PTBP2: variants seen among roughly 807,000 people sequenced by gnomAD.
PTBP2 encodes the protein polypyrimidine tract-binding protein 2.
In PTBP2, 13 loss-of-function variants were observed where a neutral mutation model predicts 61.4. The ratio of observed to expected loss-of-function variants is 0.21; its 90% CI spans 0.14 to 0.34. PTBP2 has a LOEUF of 0.34. Ranked by LOEUF, PTBP2 falls within the 10% of genes least tolerant of loss-of-function variation. The probability of loss-of-function intolerance (pLI) is 1.00; values close to 1 mark genes in which losing one functional copy is unlikely to be tolerated. For synonymous variants in PTBP2, 215 were observed against 218.5 expected (o/e 0.98, Z 0.14); for missense variants, 405 against 642.6 (o/e 0.63, Z 4.00).
At chr1:96,815,511 T>C (rs1662446736), downstream of PTBP2, 1 of 152,200 alleles carries the variant, frequency 6.6e-6, no homozygotes, top group African/African-American at 2.4e-5. Context: ...ATTAGGGTGC[T>C]ATTTATATTC....
intron 5 of PTBP2, among the ~76,000 whole-genome samples, chr1:96,773,635 A>G (rs971042327): frequency 3.3e-4 from 50 of 152,016 alleles, no homozygotes; most frequent in African/African-American, 1.1e-3. Flanking sequence ...CATTCCCCCC[A>G]AATACCAAAG....
intron 2 of PTBP2, among the ~76,000 whole-genome samples, chr1:96,725,300 A>AG (rs1570678857): frequency 7.2e-6 from 1 of 138,754 alleles, no homozygotes; most frequent in South Asian, 2.5e-4. Context: ...TGGTTACACC[A>AG]GTTTTTTTTT....
Position 96,761,054 on chromosome 1 carries a change from G to A in PTBP2, c.116-8649G>A, listed in dbSNP as rs142456290. On this transcript the variant is annotated intron_variant, in intron 3 of 13. Transcript: ENST00000674951. ...AAAGAAACCAGACAGACCTGAAAGAGTACATAGTGTGATTCCATTTCTTGA... is the reference window on the plus strand; with the variant it reads ...AAAGAAACCAGACAGACCTGAAAGAATACATAGTGTGATTCCATTTCTTGA... Among the ~76,000 whole-genome samples, 898 of 152,288 alleles carry A rather than the reference G, an allele frequency of 5.9e-3. 13 individuals carry two copies. Among genetic ancestry groups the A allele is most frequent in the African/African-American group, 0.021 (855 of 41,552 alleles).
intron 3 of PTBP2, among the ~76,000 whole-genome samples, chr1:96,768,272 A>C (rs1203154231): frequency 6.6e-6 from 1 of 152,036 alleles, no homozygotes; most frequent in Non-Finnish European, 1.5e-5. Flanking sequence ...AGAACGTAAA[A>C]CATTGCTAGA....
chr1:96,722,389 G>A (rs1649720668), intron 1 of PTBP2, among the ~76,000 whole-genome samples: 1 of 152,078 alleles, frequency 6.6e-6, no homozygotes, highest in African/African-American at 2.4e-5. Context: ...GTGGTCGGGA[G>A]AGATGCCGGT....
intron 11 of PTBP2, among the ~76,000 whole-genome samples, chr1:96,809,887 G>T (rs1217767282): frequency 2.0e-5 from 3 of 152,006 alleles, no homozygotes; most frequent in African/African-American, 7.2e-5. Context: ...AGATATTAAA[G>T]ACAAGACTGG....
At chr1:96,779,358 T>C (rs1658396686) in intron 7 of PTBP2, among the ~76,000 whole-genome samples, 1 of 152,090 alleles carries the variant, frequency 6.6e-6, no homozygotes, top group Non-Finnish European at 1.5e-5. Context: ...ATATTTTCCT[T>C]GCTCTTCTGA....
At chr1:96,742,666 T>A (rs1434198720) in intron 2 of PTBP2, among the ~76,000 whole-genome samples, 1 of 151,130 alleles carries the variant, frequency 6.6e-6, no homozygotes. Context: ...CTTTGGCTTT[T>A]TTTTTTTTTT....
At chr1:96,763,171 G>C (rs564902880) in intron 3 of PTBP2, among the ~76,000 whole-genome samples, 1 of 152,168 alleles carries the variant, frequency 6.6e-6, no homozygotes, top group Non-Finnish European at 1.5e-5. Context: ...CTTCCCAAAC[G>C]GGGTGGCGGC....
At chr1:96,774,666 T>C (rs1323262057) in intron 5 of PTBP2, among the ~76,000 whole-genome samples, 1 of 152,238 alleles carries the variant, frequency 6.6e-6, no homozygotes, top group Non-Finnish European at 1.5e-5. Flanking sequence ...CTGTTGGCTA[T>C]ATTACTACGA....
chr1:96,815,757 A>G (rs1662457485), downstream of PTBP2: 1 of 152,184 alleles, frequency 6.6e-6, no homozygotes, highest in Non-Finnish European at 1.5e-5. Context: ...TGTTTACACT[A>G]GTGTCACTGT....
intron 3 of PTBP2, among the ~76,000 whole-genome samples, chr1:96,759,472 A>G (rs1292977717): frequency 1.3e-5 from 2 of 152,216 alleles, no homozygotes; most frequent in East Asian, 1.9e-4. Flanking sequence ...AGGCCTTTCA[A>G]CAGATGTGCT....
intron 3 of PTBP2, among the ~76,000 whole-genome samples, chr1:96,758,493 C>T (rs1158537893): frequency 6.6e-6 from 1 of 151,992 alleles, no homozygotes; most frequent in Admixed American, 6.5e-5. Flanking sequence ...TGCATATATT[C>T]TTAAGAAAAT....
intron 3 of PTBP2, among the ~76,000 whole-genome samples, chr1:96,754,909 AAAAT>A (rs1438449950): frequency 6.6e-6 from 1 of 152,202 alleles, no homozygotes; most frequent in Non-Finnish European, 1.5e-5. Context: ...TCTCTAGAAA[AAAAT>A]ACAGAAAATC....
At chr1:96,747,237 C>T (rs1653958584) in intron 2 of PTBP2, among the ~76,000 whole-genome samples, 3 of 152,076 alleles carry the variant, frequency 2.0e-5, no homozygotes, top group African/African-American at 7.2e-5. Flanking sequence ...TTCCTTTGCT[C>T]TTCTGGACAT....
At chr1:96,815,674 A>G (rs1426159001), downstream of PTBP2, 2 of 152,196 alleles carry the variant, frequency 1.3e-5, no homozygotes, top group Admixed American at 1.3e-4. Context: ...GGAACATAAA[A>G]TATGTTTTAC....
At chr1:96,738,362 C>T (rs920564857) in intron 2 of PTBP2, among the ~76,000 whole-genome samples, 5 of 151,782 alleles carry the variant, frequency 3.3e-5, no homozygotes, top group Non-Finnish European at 5.9e-5. Flanking sequence ...GGTGGGATCT[C>T]GGCTCACTGC....
chr1:96,773,888 A>G (rs1657689050), intron 5 of PTBP2, among the ~76,000 whole-genome samples: 1 of 149,898 alleles, frequency 6.7e-6, no homozygotes, highest in Admixed American at 6.7e-5. Context: ...GTGCAGACCC[A>G]GGAGGCGGAG....
intron 2 of PTBP2, among the ~76,000 whole-genome samples, chr1:96,743,907 C>T (rs1369100304): frequency 2.6e-5 from 4 of 151,924 alleles, no homozygotes; most frequent in South Asian, 2.1e-4. Flanking sequence ...GTTAAAAACA[C>T]GGTGGCTAAA....
Sources: allele counts gnomAD v4.1 joint callset (sites outside exome capture counted in the v4.1 genomes callset), GRCh38; gene constraint gnomAD v4.1.1; transcripts MANE v1.5; gene names NCBI Gene and HGNC (gene_info 2026-07-23, HGNC 2026-07-21).